ZNF496: variants seen among roughly 807,000 people sequenced by gnomAD.
The protein encoded by ZNF496 is zinc finger protein 496, also known as NSD1 (nuclear receptor binding SET-domain containing 1)-interacting zinc finger protein 1.
Under a neutral mutation model 58.9 loss-of-function variants are expected in ZNF496, and 11 were observed. The ratio of observed to expected loss-of-function variants is 0.19; its 90% CI spans 0.12 to 0.31. The LOEUF (loss-of-function observed/expected upper bound fraction) is 0.31. Among genes scored for constraint, ZNF496 ranks in the 10% least tolerant of loss-of-function variants. ZNF496 has a pLI of 1.00. For missense variants in ZNF496, 660 were observed against 783.0 expected (o/e 0.84, Z 1.88); for synonymous variants, 338 against 318.2 (o/e 1.06, Z -0.66).
intron 6 of ZNF496, among the ~76,000 whole-genome samples, chr1:247,314,669 A>G (rs1448945639): frequency 6.6e-6 from 1 of 152,166 alleles, no homozygotes; most frequent in African/African-American, 2.4e-5. Flanking sequence ...TCTCTGGAAA[A>G]CTATCAGTTA....
At chr1:247,304,058 C>T (rs139556725) in intron 9 of ZNF496, 107 of 440,922 alleles carry the variant, frequency 2.4e-4, no homozygotes, top group Middle Eastern at 6.7e-4. Flanking sequence ...CCAGCTGGAA[C>T]TGAAAGGAAA....
chr1:247,300,457 T>A lies in ZNF496; in HGVS notation c.*62A>T. ...GAAGGTATGTCCTGGGTGGGGGCGC[T>A]GATCAGTACCAAGGTGAGGGGGCAG... On this transcript the variant is annotated 3_prime_UTR_variant, in exon 10 of 10. Transcript: ENST00000682384. The surrounding 1 kb of genome is among the most constrained non-coding windows in gnomAD (Gnocchi z 5.7). The A allele has an allele frequency of 6.6e-7, 1 of 1,513,844 alleles. No homozygotes were observed. 93.8% of individuals were successfully genotyped at this position (1,513,844 alleles called of 1,614,324 possible).
At chr1:247,327,986 C>T (rs1254587326) in intron 5 of ZNF496, among the ~76,000 whole-genome samples, 1 of 152,154 alleles carries the variant, frequency 6.6e-6, no homozygotes, top group Non-Finnish European at 1.5e-5. Flanking sequence ...TAGGTTGTAT[C>T]TCATTTAATT....
At chr1:247,305,020 C>A (rs1659366150) in intron 9 of ZNF496, among the ~76,000 whole-genome samples, 1 of 152,080 alleles carries the variant, frequency 6.6e-6, no homozygotes, top group African/African-American at 2.4e-5. Flanking sequence ...TGAGGTCTTA[C>A]AGGGGATGAA....
rs950641464 is a variant in ZNF496 at position 247,300,119 on chromosome 1, C to G, written c.*400G>C. 1.8e-5 allele frequency: 3 copies of G among 162,916 alleles called. No homozygotes were observed. Among genetic ancestry groups the G allele is most frequent in the African/African-American group, 7.2e-5 (3 of 41,926 alleles). 10.1% of individuals were successfully genotyped at this position (162,916 alleles called of 1,614,324 possible). ...CTGGAGCTTCAGGAGCAGATCCTAG[C>G]GTTCAGACAGGGAAGGAGGGGAGGG... On this transcript the variant is annotated 3_prime_UTR_variant, in exon 10 of 10. Transcript: ENST00000682384. This position sits in a 1 kb window ranked among gnomAD's most constrained non-coding sequence, Gnocchi z 5.7.
rs1659158169 is a variant in ZNF496 at position 247,299,068 on chromosome 1, G to T, written c.*1451C>A. The T allele has an allele frequency of 6.6e-6, 1 of 152,194 alleles. No individual in the cohort carries two copies. The highest frequency in any genetic ancestry group is 2.4e-5 in the African/African-American group (1 of 41,432). 9.4% of individuals were successfully genotyped at this position (152,194 alleles called of 1,614,324 possible). A position where few individuals can be genotyped will look rare whatever the true frequency, so the allele number is the denominator to read the frequency against. Reference sequence around the variant, plus strand: ...GAGCAAGCTCACTCAAGTTTGTATTGACTCATCTGTAAATTAGGAATGATA... The same window carrying T: ...GAGCAAGCTCACTCAAGTTTGTATTTACTCATCTGTAAATTAGGAATGATA... On this transcript the variant is annotated 3_prime_UTR_variant, in exon 10 of 10. Transcript: ENST00000682384.
chr1:247,311,893 A>C (rs1250310056), intron 6 of ZNF496: 1 of 152,268 alleles, frequency 6.6e-6, no homozygotes, highest in African/African-American at 2.4e-5. Context: ...GGGGTGACTG[A>C]AGCGGGGCTC....
intron 5 of ZNF496, among the ~76,000 whole-genome samples, chr1:247,324,327 G>C (rs7418221): frequency 0.35 from 52,657 of 151,996 alleles, 9,715 homozygotes; most frequent in East Asian, 0.52. Context: ...GAGGGGACTG[G>C]GGAGACATTG....
intron 6 of ZNF496, among the ~76,000 whole-genome samples, chr1:247,316,135 GGTGTGT>G (rs148003455): frequency 0.13 from 18,246 of 139,796 alleles, 1,233 homozygotes; most frequent in Middle Eastern, 0.17. Flanking sequence ...CTGGGAGAGG[GGTGTGT>G]GTGTGTGTGT....
In ZNF496 at chr1:247,299,906, G is replaced by C. The variant is rs754935638; in HGVS notation, c.*613C>G. 1 of 152,278 alleles carries C rather than the reference G, an allele frequency of 6.6e-6. No individual in the cohort carries two copies. The highest frequency in any genetic ancestry group is 1.5e-5 in the Non-Finnish European group (1 of 68,072). 9.4% of individuals were successfully genotyped at this position (152,278 alleles called of 1,614,324 possible). ...CCACAGAGGCCAGCCCAAAAGGGCT[G>C]CCTGATCATCTTGGATCTGCGGGGT... On this transcript the variant is annotated 3_prime_UTR_variant, in exon 10 of 10. Transcript: ENST00000682384.
At chr1:247,330,651 G>A (rs925598935) in intron 2 of ZNF496, among the ~76,000 whole-genome samples, 1 of 152,224 alleles carries the variant, frequency 6.6e-6, no homozygotes, top group Non-Finnish European at 1.5e-5. Flanking sequence ...CGCTGGGCCC[G>A]TGAAAGGGCA....
chr1:247,300,429 G>A lies in ZNF496; in HGVS notation c.*90C>T, dbSNP rs1267916889. The A allele has an allele frequency of 1.4e-6, 2 of 1,406,360 alleles. No individual in the cohort carries two copies. Among genetic ancestry groups the A allele is most frequent in the Non-Finnish European group, 1.9e-6 (2 of 1,050,056 alleles). The allele number at this position is 1,406,360 out of a possible 1,614,324, so 87.1% of individuals were successfully genotyped here. Reference sequence around the variant, plus strand: ...AGGAGGGAGGTGTGCTCTCTATCCTGGGGAAGGTATGTCCTGGGTGGGGGC... The same window carrying A: ...AGGAGGGAGGTGTGCTCTCTATCCTAGGGAAGGTATGTCCTGGGTGGGGGC... On this transcript the variant is annotated 3_prime_UTR_variant, in exon 10 of 10. Transcript: ENST00000682384. This position sits in a 1 kb window ranked among gnomAD's most constrained non-coding sequence, Gnocchi z 5.7.
chr1:247,309,665 A>G lies in ZNF496; in HGVS notation c.892+34T>C. ...CCGGCTGCCAGCAACCCTTCCCCCT[A>G]CTCTGTCCACTCAGTTCTGGAATCA... On this transcript the variant is annotated intron_variant, in intron 8 of 9. Coordinates refer to ENST00000682384, the MANE Select transcript of ZNF496 (RefSeq NM_032752.3). The surrounding 1 kb of genome is among the most constrained non-coding windows in gnomAD (Gnocchi z 4.3). 6.2e-7 allele frequency: 1 copy of G among 1,613,084 alleles called. No homozygotes were observed. Among genetic ancestry groups the G allele is most frequent in the East Asian group, 2.2e-5 (1 of 44,862 alleles).
chr1:247,326,129 T>C (rs1006411795), intron 5 of ZNF496, among the ~76,000 whole-genome samples: 3 of 146,250 alleles, frequency 2.1e-5, no homozygotes, highest in Non-Finnish European at 3.0e-5. Context: ...TATACATACA[T>C]ATATATATAT....
At position 247,309,589 on chromosome 1, in the gene ZNF496, T is replaced by G; in HGVS notation, c.892+110A>C. ...AAGACCCACATAGAGTCTGGGGAAA[T>G]GAAGAAGGCAATTAGGGGCCGCAGA... On this transcript the variant is annotated intron_variant, in intron 8 of 9. Coordinates refer to ENST00000682384, the MANE Select transcript of ZNF496 (RefSeq NM_032752.3). The surrounding 1 kb of genome is among the most constrained non-coding windows in gnomAD (Gnocchi z 4.3). 6.7e-7 allele frequency: 1 copy of G among 1,496,376 alleles called. No homozygotes were observed. The highest frequency in any genetic ancestry group is 1.4e-5 in the African/African-American group (1 of 71,774). The allele number at this position is 1,496,376 out of a possible 1,614,324, so 92.7% of individuals were successfully genotyped here. A position where few individuals can be genotyped will look rare whatever the true frequency, so the allele number is the denominator to read the frequency against.
At chr1:247,318,568 C>T (rs1042585968) in intron 6 of ZNF496, among the ~76,000 whole-genome samples, 3 of 152,008 alleles carry the variant, frequency 2.0e-5, no homozygotes, top group Non-Finnish European at 4.4e-5. Context: ...CCATGGAGGC[C>T]AGAAGGAAGT....
chr1:247,326,389 G>A (rs1327303567), intron 5 of ZNF496, among the ~76,000 whole-genome samples: 2 of 152,070 alleles, frequency 1.3e-5, no homozygotes, highest in Admixed American at 1.3e-4. Flanking sequence ...TTTGCCTATT[G>A]ATTATTGCTC....
chr1:247,301,017 G>A lies in ZNF496; in HGVS notation c.1266C>T (p.Ile422=). The stretch of plus-strand genomic sequence containing the variant: ...GCTCCCTGCGGCTCCGCAGATGCCG[G>A]ATGAAGTTGACCCTCCAGCGGAAGA... ...GKIFRWRVNF[I]RHLRSRREQE... is the part of the protein sequence containing the mutation. Residue 422 remains isoleucine (I), a synonymous_variant, in exon 10 of 10, where the codon ATC becomes ATT. Transcript: ENST00000682384. 6.2e-7 allele frequency: 1 copy of A among 1,613,764 alleles called. No individual in the cohort carries two copies. The highest frequency in any genetic ancestry group is 8.5e-7 in the Non-Finnish European group (1 of 1,180,044).
At chr1:247,310,634 T>C in intron 6 of ZNF496, 178 bp from the exon 7 acceptor site, 4 of 747,932 alleles carry the variant, frequency 5.3e-6, no homozygotes, top group Non-Finnish European at 6.3e-6. Context: ...GCAGGCTGGG[T>C]GCCTGGTGAG....
Sources: gnomAD v4.1 joint callset for allele counts (sites outside exome capture counted in the v4.1 genomes callset) on GRCh38, gnomAD v4.1.1 for gene constraint, Gnocchi (gnomAD v3.1) non-coding constraint, MANE v1.5 for transcripts, NCBI Gene and HGNC (gene_info 2026-07-23, HGNC 2026-07-21) for gene names.